The following SLC8A1 variants were observed in gnomAD, a reference collection of about 807,000 sequenced individuals.
The protein encoded by SLC8A1 is sodium/calcium exchanger 1.
SLC8A1 carries 18 observed loss-of-function variants against 68.3 expected under a neutral mutation model. That is an observed-to-expected ratio of 0.26 (90% CI 0.18 to 0.39). The LOEUF (loss-of-function observed/expected upper bound fraction) is 0.39, where lower values mean the gene tolerates loss of function less well. Ranked by LOEUF, SLC8A1 falls within the 10% of genes least tolerant of loss-of-function variation. The probability of loss-of-function intolerance (pLI) is 1.00; values close to 1 mark genes in which losing one functional copy is unlikely to be tolerated. For synonymous variants in SLC8A1, 475 were observed against 415.5 expected, an observed-to-expected ratio of 1.14 and a Z score of -1.74; for missense variants, 985 against 1,156.7, an observed-to-expected ratio of 0.85 and a Z score of 2.15.
intron 2 of SLC8A1, among the ~76,000 whole-genome samples, chr2:40,301,002 G>C (rs1000721815): frequency 5.3e-5 from 8 of 152,138 alleles, no homozygotes; most frequent in African/African-American, 1.9e-4. Context: ...AAAGAGGTAA[G>C]AAAATGTGGT....
chr2:40,437,082 G>T (rs1699577534), intron 1 of SLC8A1, among the ~76,000 whole-genome samples: 1 of 152,106 alleles, frequency 6.6e-6, no homozygotes, highest in African/African-American at 2.4e-5. Context: ...TTACAAATGA[G>T]AAAAATAAAT....
intron 2 of SLC8A1, among the ~76,000 whole-genome samples, chr2:40,191,030 T>C (rs2148647715): frequency 6.6e-6 from 1 of 152,294 alleles, no homozygotes; most frequent in Non-Finnish European, 1.5e-5. Flanking sequence ...TGAAAAGAAC[T>C]GGCTTTACAA....
chr2:40,209,764 A>G (rs574372951), intron 2 of SLC8A1, among the ~76,000 whole-genome samples: 2 of 151,940 alleles, frequency 1.3e-5, no homozygotes, highest in Non-Finnish European at 2.9e-5. Flanking sequence ...GATTGCTTCT[A>G]TTTTCTCAGG....
At chr2:40,190,909 T>A (rs890954955) in intron 2 of SLC8A1, 3 of 152,160 alleles carry the variant, frequency 2.0e-5, no homozygotes, top group Non-Finnish European at 2.9e-5. Flanking sequence ...TCTCTACCAC[T>A]AGACGTGGTC....
intron 2 of SLC8A1, among the ~76,000 whole-genome samples, chr2:40,349,128 C>A (rs1177025750): frequency 2.0e-5 from 3 of 152,094 alleles, no homozygotes; most frequent in Non-Finnish European, 2.9e-5. Context: ...AATCCTTCAT[C>A]TAAATGAAGG....
At chr2:40,169,361 G>T (rs976408508) in intron 4 of SLC8A1, among the ~76,000 whole-genome samples, 1 of 152,180 alleles carries the variant, frequency 6.6e-6, no homozygotes, top group Non-Finnish European at 1.5e-5. Context: ...TGACAAGTCA[G>T]AAAGCAGAGG....
chr2:40,430,267 C>G (rs139897746), exon 2 of SLC8A1: 18 of 1,610,368 alleles, frequency 1.1e-5, no homozygotes, highest in Non-Finnish European at 1.4e-5. Flanking sequence ...ACTTAATCGC[C>G]GCATGTTGTA....
At chr2:40,497,363 A>G (rs1334023869) in intron 1 of SLC8A1, among the ~76,000 whole-genome samples, 1 of 152,064 alleles carries the variant, frequency 6.6e-6, no homozygotes, top group Non-Finnish European at 1.5e-5. Context: ...GTATATCAAG[A>G]TAAGTAAGAT....
chr2:40,306,122 T>C lies in SLC8A1; in HGVS notation c.1808+122351A>G, dbSNP rs540653798. Among the ~76,000 whole-genome samples the C allele has an allele frequency of 1.8e-4, 27 of 152,266 alleles. 1 individual carries two copies. The South Asian group carries it at 5.4e-3, about 30-fold the overall frequency. On this transcript the variant is annotated intron_variant, in intron 2 of 7. Transcript: ENST00000406785. Reference sequence around the variant, plus strand: ...CATTTGACATCTCACCATGCATACATAGAAAGGCAAACCAGTAAGCAGATA... The same window carrying C: ...CATTTGACATCTCACCATGCATACACAGAAAGGCAAACCAGTAAGCAGATA...
At chr2:40,142,317 T>C (rs1191748627) in intron 6 of SLC8A1, among the ~76,000 whole-genome samples, 1 of 152,122 alleles carries the variant, frequency 6.6e-6, no homozygotes, top group Non-Finnish European at 1.5e-5. Flanking sequence ...TACATTCCCA[T>C]TCCCAGGCTC....
chr2:40,217,633 G>C (rs971894066), intron 2 of SLC8A1, among the ~76,000 whole-genome samples: 9 of 152,080 alleles, frequency 5.9e-5, no homozygotes, highest in African/African-American at 2.2e-4. Context: ...CTACTTTAGA[G>C]TGAACTGTAA....
intron 2 of SLC8A1, among the ~76,000 whole-genome samples, chr2:40,230,633 A>C (rs1051103533): frequency 1.3e-5 from 2 of 152,232 alleles, no homozygotes; most frequent in African/African-American, 4.8e-5. Flanking sequence ...TTTTTCTTTA[A>C]AATTATAATT....
In SLC8A1 at chr2:40,227,042, G is replaced by C. The variant is rs532498899; in HGVS notation, c.1809-49187C>G. Among the ~76,000 whole-genome samples, 36 of 152,224 alleles carry C rather than the reference G, an allele frequency of 2.4e-4. No homozygotes were observed. The South Asian group carries it at 2.9e-3, about 12-fold the overall frequency. ...TCACCATCAAGTTTTAAATGGGGTAGTGGACAGTAATACTTCCAGACCCTC... is the reference window on the plus strand; with the variant it reads ...TCACCATCAAGTTTTAAATGGGGTACTGGACAGTAATACTTCCAGACCCTC... On this transcript the variant is annotated intron_variant, in intron 2 of 7. Transcript: ENST00000406785.
chr2:40,417,008 T>C (rs1350736599), intron 2 of SLC8A1, among the ~76,000 whole-genome samples: 1 of 152,104 alleles, frequency 6.6e-6, no homozygotes, highest in Non-Finnish European at 1.5e-5. Flanking sequence ...CCAACCTCTC[T>C]CTCAGGAGGC....
intron 2 of SLC8A1, among the ~76,000 whole-genome samples, chr2:40,371,525 T>C (rs1678055763): frequency 6.6e-6 from 1 of 152,110 alleles, no homozygotes; most frequent in African/African-American, 2.4e-5. Flanking sequence ...AAGATGTTAG[T>C]GTCTTCTACC....
At chr2:40,365,983 A>G (rs1400957038) in intron 2 of SLC8A1, among the ~76,000 whole-genome samples, 1 of 130,600 alleles carries the variant, frequency 7.7e-6, no homozygotes, top group Non-Finnish European at 1.7e-5. Context: ...GTGACAAAAT[A>G]AGACCCTGTC....
intron 2 of SLC8A1, among the ~76,000 whole-genome samples, chr2:40,223,927 T>C: frequency 6.6e-6 from 1 of 152,098 alleles, no homozygotes; most frequent in East Asian, 1.9e-4. Context: ...GTTTGCCCCA[T>C]TTCTGTAACC....
chr2:40,469,458 A>G (rs772056983), intron 1 of SLC8A1, among the ~76,000 whole-genome samples: 1 of 152,136 alleles, frequency 6.6e-6, no homozygotes, highest in Non-Finnish European at 1.5e-5. Context: ...GCTTTCTGTT[A>G]AGTCTGAAGA....
At chr2:40,147,597 A>G (rs531687866) in intron 6 of SLC8A1, among the ~76,000 whole-genome samples, 1 of 152,330 alleles carries the variant, frequency 6.6e-6, no homozygotes, top group African/African-American at 2.4e-5. Flanking sequence ...CTTTGTAAAT[A>G]TCACCAGCTG....
Sources: allele counts gnomAD v4.1 joint callset (sites outside exome capture counted in the v4.1 genomes callset), GRCh38; gene constraint gnomAD v4.1.1; transcripts MANE v1.5; gene names NCBI Gene and HGNC (gene_info 2026-07-23, HGNC 2026-07-21).